The following SHLD2 variants were observed in gnomAD, a reference collection of about 807,000 sequenced individuals.
SHLD2 encodes the protein shieldin complex subunit 2, also known as RINN1-REV7-interacting novel NHEJ regulator 2.
In SHLD2, 30 loss-of-function variants were observed where a neutral mutation model predicts 73.2. The observed-to-expected ratio is 0.41, with a 90% CI of 0.31 to 0.56. The LOEUF is 0.56. Ranked by LOEUF, SHLD2 falls within the 20% of genes least tolerant of loss-of-function variation. SHLD2 has a pLI of 0.28. For missense variants in SHLD2, 745 were observed against 1,055.9 expected, an observed-to-expected ratio of 0.71 and a Z score of 4.08; for synonymous variants, 285 against 370.1, an observed-to-expected ratio of 0.77 and a Z score of 2.64.
chr10:87,125,455 G>A (rs78806865), intron 2 of SHLD2, among the ~76,000 whole-genome samples: 2 of 152,216 alleles, frequency 1.3e-5, no homozygotes, highest in East Asian at 3.8e-4. Flanking sequence ...TCAGTAATTG[G>A]CTGGGTGTGG....
chr10:87,163,288 A>G (rs1846952656), intron 4 of SHLD2, among the ~76,000 whole-genome samples: 2 of 152,234 alleles, frequency 1.3e-5, no homozygotes, highest in African/African-American at 4.8e-5. Context: ...ATTTGTGGAA[A>G]GAAAATGCAG....
upstream of SHLD2, chr10:87,094,623 G>T: frequency 6.2e-7 from 1 of 1,609,960 alleles, no homozygotes; most frequent in East Asian, 2.2e-5. This position sits in a 1 kb window ranked among gnomAD's most constrained non-coding sequence, Gnocchi z 6.6. Flanking sequence ...AGTGGCGCCG[G>T]GCGGCCAATG....
At chr10:87,131,243 A>G (rs1237201829) in intron 2 of SHLD2, among the ~76,000 whole-genome samples, 4 of 151,428 alleles carry the variant, frequency 2.6e-5, no homozygotes, top group African/African-American at 2.4e-5. Context: ...TTTATTATTT[A>G]TAAGTATACA....
intron 2 of SHLD2, among the ~76,000 whole-genome samples, chr10:87,133,862 A>G (rs1014555499): frequency 6.6e-5 from 10 of 152,256 alleles, no homozygotes; most frequent in Non-Finnish European, 1.5e-4. Flanking sequence ...GCTTAAACTT[A>G]TAATTTATAA....
intron 2 of SHLD2, among the ~76,000 whole-genome samples, chr10:87,099,763 G>A (rs142851788): frequency 6.6e-6 from 1 of 152,126 alleles, no homozygotes; most frequent in Non-Finnish European, 1.5e-5. Context: ...GTGAATGAAG[G>A]TTCCAATTTC....
chr10:87,139,943 G>A (rs1431672624), intron 2 of SHLD2, among the ~76,000 whole-genome samples: 2 of 152,192 alleles, frequency 1.3e-5, no homozygotes, highest in Non-Finnish European at 2.9e-5. Context: ...TGGAAAAAAA[G>A]ATCATTAAAT....
At chr10:87,166,440 C>G (rs893260749) in intron 4 of SHLD2, among the ~76,000 whole-genome samples, 2 of 151,426 alleles carry the variant, frequency 1.3e-5, no homozygotes, top group African/African-American at 4.9e-5. Context: ...ATGTGCAAGA[C>G]CTAAAAAAGG....
intron 3 of SHLD2, among the ~76,000 whole-genome samples, chr10:87,157,596 TAATC>T (rs953804265): frequency 6.6e-6 from 1 of 152,206 alleles, no homozygotes; most frequent in Non-Finnish European, 1.5e-5. Flanking sequence ...TAGGGAAAAA[TAATC>T]AAGTGTGTTA....
intron 4 of SHLD2, among the ~76,000 whole-genome samples, chr10:87,169,181 ATCTTGTT>A (rs1847415480): frequency 6.6e-6 from 1 of 152,226 alleles, no homozygotes; most frequent in African/African-American, 2.4e-5. Context: ...CAAAAGCTCT[ATCTTGTT>A]CATGAAAAAC....
At chr10:87,150,591 T>A (rs1845941970) in intron 2 of SHLD2, among the ~76,000 whole-genome samples, 1 of 151,076 alleles carries the variant, frequency 6.6e-6, no homozygotes, top group Admixed American at 6.6e-5. Flanking sequence ...TGAAACCCCG[T>A]CTCTACTAAA....
chr10:87,148,814 CGGA>C (rs1236388702), intron 2 of SHLD2, among the ~76,000 whole-genome samples: 7 of 151,034 alleles, frequency 4.6e-5, no homozygotes, highest in Non-Finnish European at 7.4e-5. Flanking sequence ...AAAGATCTGA[CGGA>C]GGAGAATTCA....
rs1237507855 is a variant in SHLD2 at position 87,147,056 on chromosome 10, C to CA, written c.-5-4279dup. The stretch of plus-strand genomic sequence containing the variant: ...GGGTGACAAAAGCGAGACTCTGTCT[C>CA]AAAAAAAAAAAAAAAGAAAAAAAAA... On this transcript the variant is annotated intron_variant, in intron 2 of 9. Transcript: ENST00000298786. Among the ~76,000 whole-genome samples, 271 of 42,250 alleles carry CA rather than the reference C, an allele frequency of 6.4e-3. 1 individual carries two copies. Among genetic ancestry groups the CA allele is most frequent in the South Asian group, 0.02 (23 of 1,128 alleles). The allele number at this position is 42,250 out of a possible 152,430, so 27.7% of individuals were successfully genotyped here.
At position 87,097,617 on chromosome 10, in the gene SHLD2, A is replaced by C. The variant is rs543381899; in HGVS notation, c.-6+628A>C. The stretch of plus-strand genomic sequence containing the variant: ...AAAAAAGGAAAGGCAGAATTGAAGA[A>C]GCTTTGGAAGAGGTGAGGAATAGAG... On this transcript the variant is annotated intron_variant, in intron 2 of 9. Transcript: ENST00000298786. Among the ~76,000 whole-genome samples the C allele has an allele frequency of 1.1e-4, 17 of 152,260 alleles. No individual in the cohort carries two copies. The South Asian group carries it at 3.5e-3, about 32-fold the overall frequency.
chr10:87,122,374 A>G (rs561648247), intron 2 of SHLD2, among the ~76,000 whole-genome samples: 9 of 152,270 alleles, frequency 5.9e-5, no homozygotes, highest in African/African-American at 1.7e-4. Context: ...TATTCTGCCC[A>G]TTTTAAAATT....
intron 7 of SHLD2, among the ~76,000 whole-genome samples, chr10:87,179,794 C>CT (rs756063153): frequency 6.6e-6 from 1 of 152,144 alleles, no homozygotes; most frequent in Non-Finnish European, 1.5e-5. Context: ...GGGATTTCTT[C>CT]TAAAGGAGGT....
At chr10:87,149,123 G>A (rs991396132) in intron 2 of SHLD2, among the ~76,000 whole-genome samples, 35 of 151,866 alleles carry the variant, frequency 2.3e-4, no homozygotes, top group Admixed American at 9.8e-4. Flanking sequence ...CCTGACCTCA[G>A]GTGATCCTCC....
At chr10:87,160,300 G>A (rs1846712328) in intron 4 of SHLD2, among the ~76,000 whole-genome samples, 1 of 151,886 alleles carries the variant, frequency 6.6e-6, no homozygotes, top group Non-Finnish European at 1.5e-5. Context: ...CAGCCTGGAT[G>A]ATATGGTGAA....
intron 8 of SHLD2, 86 bp downstream of exon 8, chr10:87,180,389 A>T: frequency 6.6e-7 from 1 of 1,510,774 alleles, no homozygotes; most frequent in Non-Finnish European, 9.0e-7. Flanking sequence ...CTTTCTAAAA[A>T]TAATTAACTA....
At chr10:87,094,952 G>A, upstream of SHLD2, 1 of 290,622 alleles carries the variant, frequency 3.4e-6, no homozygotes, top group Non-Finnish European at 6.2e-6. The surrounding 1 kb of genome is among the most constrained non-coding windows in gnomAD (Gnocchi z 6.6). Flanking sequence ...TTCGGGGACA[G>A]GGCGCCGCCC....
Sources: allele counts gnomAD v4.1 joint callset (sites outside exome capture counted in the v4.1 genomes callset), GRCh38; gene constraint gnomAD v4.1.1; non-coding constraint Gnocchi (gnomAD v3.1); transcripts MANE v1.5; gene names NCBI Gene and HGNC (gene_info 2026-07-23, HGNC 2026-07-21).